CFAP418: variants seen among roughly 807,000 people sequenced by gnomAD.
CFAP418 encodes the protein cilia and flagella associated protein 418.
CFAP418 carries 27 observed loss-of-function variants against 24.7 expected under a neutral mutation model. The observed-to-expected ratio is 1.09, with a 90% CI of 0.81 to 1.51. The LOEUF (loss-of-function observed/expected upper bound fraction) is 1.51, where lower values mean the gene tolerates loss of function less well. Among genes scored for constraint, CFAP418 ranks in the 40% most tolerant of loss-of-function variants. CFAP418 has a pLI of 0.00. For synonymous variants in CFAP418, 74 were observed against 87.3 expected, an observed-to-expected ratio of 0.85 and a Z score of 0.85; for missense variants, 257 against 255.2, an observed-to-expected ratio of 1.01 and a Z score of -0.05.
chr8:95,260,811 T>C (rs1811875649), intron 2 of CFAP418, among the ~76,000 whole-genome samples: 1 of 152,220 alleles, frequency 6.6e-6, no homozygotes, highest in Non-Finnish European at 1.5e-5. Flanking sequence ...AGTCACTTTA[T>C]AACTCTTCAG....
chr8:95,260,472 T>A lies in CFAP418; in HGVS notation c.304A>T (p.Lys102Ter), dbSNP rs766087213. Residue 102 changes from lysine (K) to a stop codon, truncating the protein, a stop_gained, in exon 3 of 6, where the codon AAA (lysine) becomes TAA (stop). Transcript: ENST00000286688. LOFTEE classifies it high-confidence loss of function. Reference sequence around the variant, plus strand: ...ACCAAAGCAATCTCAACTTACCTTTTACCAAGGCCTTCAATGGAAGCTCTG... The same window carrying A: ...ACCAAAGCAATCTCAACTTACCTTTAACCAAGGCCTTCAATGGAAGCTCTG... ...SVRASIEGLG[K>*]SCSPVYLGGS... The A allele has an allele frequency of 2.5e-6, 4 of 1,587,420 alleles. No individual in the cohort carries two copies. The highest frequency in any genetic ancestry group is 3.4e-6 in the Non-Finnish European group (4 of 1,170,854).
chr8:95,247,502 T>G lies in CFAP418; in HGVS notation c.*115A>C. ...AATGTATGTAGTTGTATCAATAAAATTCACTGCCTTTTCCCACAGGGAATG... is the reference window on the plus strand; with the variant it reads ...AATGTATGTAGTTGTATCAATAAAAGTCACTGCCTTTTCCCACAGGGAATG... On this transcript the variant is annotated 3_prime_UTR_variant, in exon 6 of 6. Transcript: ENST00000286688. The G allele has an allele frequency of 8.1e-7, 1 of 1,229,414 alleles. No homozygotes were observed. Among genetic ancestry groups the G allele is most frequent in the Non-Finnish European group, 1.2e-6 (1 of 864,480 alleles). 76.2% of individuals were successfully genotyped at this position (1,229,414 alleles called of 1,614,324 possible).
intron 5 of CFAP418, among the ~76,000 whole-genome samples, chr8:95,249,952 G>C (rs1811682827): frequency 6.6e-6 from 1 of 152,168 alleles, no homozygotes; most frequent in Non-Finnish European, 1.5e-5. Flanking sequence ...CTCAGTCACA[G>C]AGGTCTTCCT....
At chr8:95,255,403 C>T (rs550054539) in intron 4 of CFAP418, among the ~76,000 whole-genome samples, 40 of 152,330 alleles carry the variant, frequency 2.6e-4, no homozygotes, top group Middle Eastern at 3.4e-3. Flanking sequence ...CAATGGTCAC[C>T]TCTCTTTGTC....
intron 1 of CFAP418, among the ~76,000 whole-genome samples, chr8:95,268,350 T>A (rs1200253516): frequency 3.9e-5 from 6 of 152,002 alleles, no homozygotes; most frequent in Admixed American, 3.9e-4. Flanking sequence ...TACAGGCTCG[T>A]GCCTGTAATC....
At chr8:95,256,324 C>G (rs1385839688) in intron 4 of CFAP418, among the ~76,000 whole-genome samples, 1 of 152,090 alleles carries the variant, frequency 6.6e-6, no homozygotes, top group Non-Finnish European at 1.5e-5. Context: ...ATTCTTGTCC[C>G]TGAGATATAA....
At chr8:95,268,869 G>C (rs1812077183) in intron 1 of CFAP418, 166 bp downstream of exon 1, 1 of 718,074 alleles carries the variant, frequency 1.4e-6, no homozygotes, top group Admixed American at 2.4e-5. Context: ...GAAGAGGGTC[G>C]ACGAATGCGC....
chr8:95,254,644 C>T (rs1234130931), intron 4 of CFAP418, among the ~76,000 whole-genome samples: 1 of 152,130 alleles, frequency 6.6e-6, no homozygotes, highest in Non-Finnish European at 1.5e-5. Flanking sequence ...CAAATCCAAC[C>T]CAATACAATC....
At chr8:95,253,222 A>G (rs1811735742) in intron 4 of CFAP418, among the ~76,000 whole-genome samples, 1 of 152,076 alleles carries the variant, frequency 6.6e-6, no homozygotes, top group South Asian at 2.1e-4. Context: ...AGGCAGGAGA[A>G]TGGCGTGAAC....
intron 1 of CFAP418, chr8:95,268,736 G>C (rs918386450): frequency 1.5e-5 from 3 of 199,818 alleles, no homozygotes; most frequent in African/African-American, 4.9e-5. Flanking sequence ...AGACTGGCGC[G>C]GACTGCGGGC....
intron 5 of CFAP418, among the ~76,000 whole-genome samples, 153 bp downstream of exon 5, chr8:95,252,035 A>G (rs1811717073): frequency 6.6e-6 from 1 of 152,218 alleles, no homozygotes; most frequent in African/African-American, 2.4e-5. Context: ...TATGCAGTCC[A>G]TCGTTGACTG....
chr8:95,265,227 C>T (rs1473483269), intron 1 of CFAP418, among the ~76,000 whole-genome samples: 1 of 152,094 alleles, frequency 6.6e-6, no homozygotes, highest in Non-Finnish European at 1.5e-5. Context: ...CCAGGTGCGA[C>T]AATAAAAAAT....
rs1811600674 is a variant in CFAP418 at position 95,245,404 on chromosome 8, T to C, written c.*2213A>G. ...TGGAATGCCAAACATAGGCAATGTA[T>C]GTAAGTTTTAGGATAGTTATAATGA... On this transcript the variant is annotated 3_prime_UTR_variant, in exon 6 of 6. Transcript: ENST00000286688. 6.6e-6 allele frequency: 1 copy of C among 152,274 alleles called. No individual in the cohort carries two copies. The highest frequency in any genetic ancestry group is 2.1e-4 in the South Asian group (1 of 4,822). The allele number at this position is 152,274 out of a possible 1,614,324, so 9.4% of individuals were successfully genotyped here. A position where few individuals can be genotyped will look rare whatever the true frequency, so the allele number is the denominator to read the frequency against.
chr8:95,264,136 T>C (rs1449807155), intron 1 of CFAP418, among the ~76,000 whole-genome samples: 1 of 152,160 alleles, frequency 6.6e-6, no homozygotes, highest in East Asian at 1.9e-4. Context: ...ACAAAGATAA[T>C]TTTAACGAGT....
intron 4 of CFAP418, among the ~76,000 whole-genome samples, chr8:95,253,476 G>GA (rs1811740127): frequency 7.0e-6 from 1 of 142,184 alleles, no homozygotes; most frequent in Non-Finnish European, 1.6e-5. Context: ...CTTCTGTAAT[G>GA]AAAAAATAAA....
intron 4 of CFAP418, among the ~76,000 whole-genome samples, chr8:95,259,236 T>C (rs1330009942): frequency 6.6e-6 from 1 of 152,156 alleles, no homozygotes; most frequent in African/African-American, 2.4e-5. Flanking sequence ...AAAGCCAAAC[T>C]GTTTGCCCAC....
chr8:95,267,828 G>T (rs1011512354), intron 1 of CFAP418, among the ~76,000 whole-genome samples: 3 of 151,308 alleles, frequency 2.0e-5, no homozygotes, highest in Non-Finnish European at 4.4e-5. Flanking sequence ...ATTTCCAAAA[G>T]ATTCTAGCAA....
chr8:95,253,406 T>C (rs1811739323), intron 4 of CFAP418, among the ~76,000 whole-genome samples: 1 of 151,938 alleles, frequency 6.6e-6, no homozygotes, highest in South Asian at 2.1e-4. Context: ...AGGGAGATTA[T>C]TATCTTTTTC....
chr8:95,258,024 A>G (rs953805099), intron 4 of CFAP418, among the ~76,000 whole-genome samples: 2 of 152,170 alleles, frequency 1.3e-5, no homozygotes, highest in Admixed American at 6.5e-5. Context: ...TGGATGACCC[A>G]GACCCTGTAT....
Sources: gnomAD v4.1 joint callset for allele counts (sites outside exome capture counted in the v4.1 genomes callset) on GRCh38, gnomAD v4.1.1 for gene constraint, MANE v1.5 for transcripts, NCBI Gene and HGNC (gene_info 2026-07-23, HGNC 2026-07-21) for gene names.